LRP1B: variants seen among roughly 807,000 people sequenced by gnomAD.
LRP1B encodes the protein low-density lipoprotein receptor-related protein 1B.
LRP1B carries 217 observed loss-of-function variants against 556.6 expected under a neutral mutation model. The ratio of observed to expected loss-of-function variants is 0.39; its 90% CI spans 0.35 to 0.44. The LOEUF (loss-of-function observed/expected upper bound fraction) is 0.44, where lower values mean the gene tolerates loss of function less well. LRP1B is among the 20% of genes least tolerant of loss of function. The probability of loss-of-function intolerance (pLI) is 1.00; values close to 1 mark genes in which losing one functional copy is unlikely to be tolerated. For synonymous variants in LRP1B, 2,047 were observed against 1,865.8 expected, an observed-to-expected ratio of 1.10 and a Z score of -2.50; for missense variants, 5,053 against 5,620.8, an observed-to-expected ratio of 0.90 and a Z score of 3.23.
At chr2:141,817,768 A>AT (rs1353612260) in intron 1 of LRP1B, among the ~76,000 whole-genome samples, 1 of 152,154 alleles carries the variant, frequency 6.6e-6, no homozygotes, top group Non-Finnish European at 1.5e-5. Flanking sequence ...TTCACTTGTT[A>AT]TACTAATGTT....
chr2:141,170,747 C>G (rs556789674), intron 7 of LRP1B, among the ~76,000 whole-genome samples: 1 of 152,034 alleles, frequency 6.6e-6, no homozygotes, highest in Non-Finnish European at 1.5e-5. Flanking sequence ...AAAGGTGTTG[C>G]ATTTTCTATT....
intron 11 of LRP1B, among the ~76,000 whole-genome samples, chr2:141,046,398 C>G (rs1698870937): frequency 6.6e-6 from 1 of 152,084 alleles, no homozygotes. Flanking sequence ...TTTGCCAAAT[C>G]TAAGTCTCTG....
At chr2:140,750,100 ACACACACACACAC>A (rs1156411326) in intron 35 of LRP1B, among the ~76,000 whole-genome samples, 1 of 151,772 alleles carries the variant, frequency 6.6e-6, no homozygotes, top group Non-Finnish European at 1.5e-5. Flanking sequence ...ACACACACAC[ACACACACACACAC>A]ATTTCAGTAC....
At position 141,027,318 on chromosome 2, in the gene LRP1B, A is replaced by C. The variant is rs1426014022; in HGVS notation, c.1790-7216T>G. On this transcript the variant is annotated intron_variant, in intron 11 of 90. Transcript: ENST00000389484. ...GGAACTTCAGCTTTTGCAAATGAAA[A>C]TATGAATAATAATCAGTTCTCTCCA... is the stretch of plus-strand genomic sequence containing the variant. Among the ~76,000 whole-genome samples, 4 of 152,258 alleles carry C rather than the reference A, an allele frequency of 2.6e-5. No homozygotes were observed. In the East Asian group the frequency reaches 7.7e-4, roughly 29 times the overall value.
intron 66 of LRP1B, among the ~76,000 whole-genome samples, chr2:140,406,649 C>A (rs576233609): frequency 2.6e-5 from 4 of 151,980 alleles, no homozygotes; most frequent in African/African-American, 4.8e-5. Flanking sequence ...GGTGAAAAAT[C>A]TCTACAAGGA....
At chr2:140,869,619 C>CA (rs1693063350) in intron 25 of LRP1B, among the ~76,000 whole-genome samples, 1 of 151,756 alleles carries the variant, frequency 6.6e-6, no homozygotes, top group Non-Finnish European at 1.5e-5. Flanking sequence ...ATGGTGGTGG[C>CA]AATAAAGGAG....
At chr2:140,524,527 G>A (rs1321116900) in intron 49 of LRP1B, among the ~76,000 whole-genome samples, 2 of 151,778 alleles carry the variant, frequency 1.3e-5, no homozygotes, top group Non-Finnish European at 2.9e-5. Flanking sequence ...ACTCACAATA[G>A]CAAATATATT....
chr2:140,677,862 GC>G (rs1303500121), intron 41 of LRP1B, among the ~76,000 whole-genome samples: 5 of 128,282 alleles, frequency 3.9e-5, no homozygotes, highest in Non-Finnish European at 6.3e-5. Context: ...GGCAACTAGA[GC>G]AAAACTATGT....
At chr2:140,265,429 A>G (rs1170496276) in intron 86 of LRP1B, among the ~76,000 whole-genome samples, 1 of 152,084 alleles carries the variant, frequency 6.6e-6, no homozygotes, top group Non-Finnish European at 1.5e-5. Context: ...ACACATAGTT[A>G]TAAGTAAAAA....
intron 2 of LRP1B, among the ~76,000 whole-genome samples, chr2:141,626,102 C>T (rs1688693478): frequency 6.6e-6 from 1 of 152,014 alleles, no homozygotes; most frequent in South Asian, 2.1e-4. Context: ...AAACTCACAG[C>T]ACATGAAGAA....
At chr2:141,181,037 GTC>G (rs1297022317) in intron 7 of LRP1B, among the ~76,000 whole-genome samples, 1 of 151,954 alleles carries the variant, frequency 6.6e-6, no homozygotes, top group Non-Finnish European at 1.5e-5. Context: ...TCATGCTCAT[GTC>G]TCTCTGTTTT....
intron 1 of LRP1B, among the ~76,000 whole-genome samples, chr2:142,005,423 C>A (rs994322755): frequency 8.5e-5 from 13 of 152,138 alleles, no homozygotes; most frequent in Middle Eastern, 6.8e-3. Flanking sequence ...GGATCCTGTT[C>A]TATTACCAGT....
intron 1 of LRP1B, among the ~76,000 whole-genome samples, chr2:141,958,171 G>A (rs1701310269): frequency 6.6e-6 from 1 of 151,972 alleles, no homozygotes; most frequent in Non-Finnish European, 1.5e-5. Flanking sequence ...TCTTCTTTTA[G>A]CGTCACCCTG....
intron 49 of LRP1B, among the ~76,000 whole-genome samples, chr2:140,520,867 G>A (rs1247422432): frequency 1.5e-5 from 2 of 134,786 alleles, no homozygotes; most frequent in Non-Finnish European, 1.6e-5. Context: ...GAACTAAACA[G>A]AACTTTTGGA....
At chr2:140,709,476 A>G (rs1686957624) in intron 37 of LRP1B, among the ~76,000 whole-genome samples, 2 of 151,914 alleles carry the variant, frequency 1.3e-5, no homozygotes, top group South Asian at 4.2e-4. Context: ...GAAGAGGAAG[A>G]GGAAGAGGAG....
intron 66 of LRP1B, among the ~76,000 whole-genome samples, chr2:140,425,735 A>G (rs145251702): frequency 5.3e-5 from 8 of 152,264 alleles, no homozygotes; most frequent in African/African-American, 1.9e-4. Context: ...CTGGGTGACT[A>G]TGAGAGAACT....
At chr2:142,045,977 G>T (rs536420949) in intron 1 of LRP1B, among the ~76,000 whole-genome samples, 3 of 151,908 alleles carry the variant, frequency 2.0e-5, no homozygotes, top group African/African-American at 7.2e-5. Flanking sequence ...TAAAACAGAA[G>T]GCCACTATTT....
chr2:140,488,333 C>T (rs771108920), intron 57 of LRP1B, among the ~76,000 whole-genome samples: 4 of 152,036 alleles, frequency 2.6e-5, no homozygotes, highest in African/African-American at 9.7e-5. Flanking sequence ...AAGTTACAAC[C>T]TTGGGTGAGT....
chr2:140,678,541 A>T (rs1034957667), intron 41 of LRP1B, among the ~76,000 whole-genome samples: 2 of 152,206 alleles, frequency 1.3e-5, no homozygotes, highest in African/African-American at 4.8e-5. Flanking sequence ...AAGCAAATGG[A>T]TGTATTCTAC....
Sources: gnomAD v4.1 joint callset for allele counts (sites outside exome capture counted in the v4.1 genomes callset) on GRCh38, gnomAD v4.1.1 for gene constraint, MANE v1.5 for transcripts, NCBI Gene and HGNC (gene_info 2026-07-23, HGNC 2026-07-21) for gene names.